Variants in EBF1 observed in about 807,000 individuals in gnomAD.
EBF1 encodes EBF transcription factor 1, also known as transcription factor COE1.
EBF1 carries 10 observed loss-of-function variants against 68.4 expected under a neutral mutation model. That is an observed-to-expected ratio of 0.15 (90% CI 0.09 to 0.25). The LOEUF is 0.25. Ranked by LOEUF, EBF1 falls within the 10% of genes least tolerant of loss-of-function variation. The pLI is 1.00. For missense variants in EBF1, 509 were observed against 794.4 expected (o/e 0.64, Z 4.32); for synonymous variants, 298 against 299.8 (o/e 0.99, Z 0.06).
chr5:158,761,460 T>C (rs900043110), intron 10 of EBF1, among the ~76,000 whole-genome samples: 2 of 152,236 alleles, frequency 1.3e-5, no homozygotes, highest in African/African-American at 2.4e-5. Context: ...ATGTGTGTTA[T>C]TTGGCAGAGA....
intron 11 of EBF1, among the ~76,000 whole-genome samples, chr5:158,729,174 A>G (rs748455770): frequency 5.6e-4 from 85 of 152,228 alleles, no homozygotes; most frequent in Non-Finnish European, 1.1e-3. Context: ...GAAAAGGTAC[A>G]ACATAGCACC....
At chr5:158,940,677 C>T (rs954498247) in intron 6 of EBF1, among the ~76,000 whole-genome samples, 1 of 148,580 alleles carries the variant, frequency 6.7e-6, no homozygotes, top group African/African-American at 2.5e-5. Flanking sequence ...ATACAGGCCA[C>T]CTTATCCAGC....
chr5:158,707,515 C>T (rs1369913367), intron 15 of EBF1: 2 of 235,392 alleles, frequency 8.5e-6, no homozygotes, highest in South Asian at 1.4e-4. Flanking sequence ...TTATCAGCCC[C>T]ACACACGTTC....
chr5:158,889,495 A>G (rs1800738267), intron 6 of EBF1, among the ~76,000 whole-genome samples: 1 of 152,206 alleles, frequency 6.6e-6, no homozygotes. Context: ...AAAAACCTCA[A>G]TGATGGCAAA....
intron 6 of EBF1, among the ~76,000 whole-genome samples, chr5:158,963,384 A>C (rs1753443259): frequency 6.6e-6 from 1 of 152,264 alleles, no homozygotes; most frequent in Admixed American, 6.5e-5. Flanking sequence ...CATCTCCTAC[A>C]TTGGATGACA....
chr5:158,762,778 G>A (rs1441594371), intron 10 of EBF1, among the ~76,000 whole-genome samples: 5 of 152,008 alleles, frequency 3.3e-5, no homozygotes, highest in Non-Finnish European at 5.9e-5. Context: ...CTCGTGATCC[G>A]CCTGCCTCGG....
chr5:159,066,630 GACACAC>G (rs34606310), intron 6 of EBF1, among the ~76,000 whole-genome samples: 40,294 of 148,572 alleles, frequency 0.27, 5,639 homozygotes, highest in Non-Finnish European at 0.31. Context: ...TACATGCACA[GACACAC>G]ACACACACAC....
intron 10 of EBF1, among the ~76,000 whole-genome samples, chr5:158,744,217 A>T (rs1479985834): frequency 1.3e-5 from 2 of 152,020 alleles, no homozygotes; most frequent in Non-Finnish European, 2.9e-5. Context: ...GAACACCAAT[A>T]TATAGGTAAT....
intron 6 of EBF1, among the ~76,000 whole-genome samples, chr5:158,858,694 C>A (rs1360227221): frequency 1.3e-5 from 2 of 152,170 alleles, no homozygotes; most frequent in African/African-American, 4.8e-5. Context: ...TCTGTTGCCC[C>A]TAAAAACAAG....
At chr5:158,723,516 T>A (rs1762363300) in intron 11 of EBF1, among the ~76,000 whole-genome samples, 1 of 152,196 alleles carries the variant, frequency 6.6e-6, no homozygotes, top group African/African-American at 2.4e-5. Context: ...AATCCCCATT[T>A]ATTTTCCAAG....
chr5:158,965,895 A>T (rs1261860937), intron 6 of EBF1, among the ~76,000 whole-genome samples: 4 of 152,230 alleles, frequency 2.6e-5, no homozygotes, highest in South Asian at 2.1e-4. Flanking sequence ...TTAATCATTC[A>T]GATGGGTACA....
intron 6 of EBF1, among the ~76,000 whole-genome samples, chr5:159,040,204 C>A (rs1251224944): frequency 6.6e-6 from 1 of 152,152 alleles, no homozygotes; most frequent in Non-Finnish European, 1.5e-5. Flanking sequence ...CAGCACCACA[C>A]TGGGCTTAGA....
At chr5:158,702,348 G>T (rs60876630) in intron 15 of EBF1, among the ~76,000 whole-genome samples, 1 of 152,228 alleles carries the variant, frequency 6.6e-6, no homozygotes, top group African/African-American at 2.4e-5. Flanking sequence ...CAAGTGGAGT[G>T]CATAAAGATT....
chr5:158,754,221 A>G (rs926024836), intron 10 of EBF1, among the ~76,000 whole-genome samples: 1 of 152,146 alleles, frequency 6.6e-6, no homozygotes, highest in South Asian at 2.1e-4. Context: ...AAGGCTTCAC[A>G]ATTAACAAGA....
chr5:158,984,026 A>G (rs1381210598), intron 6 of EBF1, among the ~76,000 whole-genome samples: 1 of 151,978 alleles, frequency 6.6e-6, no homozygotes, highest in African/African-American at 2.4e-5. Context: ...TTACTGTTAT[A>G]ATATTTGAGT....
chr5:158,905,543 T>C (rs912697150), intron 6 of EBF1, among the ~76,000 whole-genome samples: 5 of 152,208 alleles, frequency 3.3e-5, no homozygotes, highest in Admixed American at 6.5e-5. Flanking sequence ...AATCTTGGCG[T>C]GTGTCATATT....
chr5:158,757,203 G>A (rs765493121), intron 10 of EBF1, among the ~76,000 whole-genome samples: 27 of 152,236 alleles, frequency 1.8e-4, no homozygotes, highest in Middle Eastern at 3.4e-3. Context: ...CAAAAGGCAT[G>A]CTACATGCAT....
chr5:158,983,843 C>T (rs1361581067), intron 6 of EBF1: 1 of 149,212 alleles, frequency 6.7e-6, no homozygotes, highest in Non-Finnish European at 1.5e-5. Context: ...TTTATAAGTA[C>T]CTGAGAGTAT....
intron 4 of EBF1, among the ~76,000 whole-genome samples, chr5:159,088,547 A>G (rs1781108964): frequency 6.6e-6 from 1 of 152,208 alleles, no homozygotes; most frequent in Non-Finnish European, 1.5e-5. Flanking sequence ...GGGTTGGATC[A>G]GCTGGGAGAT....
Sources: allele counts gnomAD v4.1 joint callset (sites outside exome capture counted in the v4.1 genomes callset), GRCh38; gene constraint gnomAD v4.1.1; transcripts MANE v1.5; gene names NCBI Gene and HGNC (gene_info 2026-07-23, HGNC 2026-07-21).